SNTG1: variants seen among roughly 807,000 people sequenced by gnomAD.
SNTG1 encodes the protein gamma-1-syntrophin.
Under a neutral mutation model 74.7 loss-of-function variants are expected in SNTG1, and 39 were observed. That is an observed-to-expected ratio of 0.52 (90% confidence interval 0.40 to 0.68). The LOEUF is 0.68. SNTG1 is among the 30% of genes least tolerant of loss of function. The pLI is 0.00. For missense variants in SNTG1, 685 were observed against 609.5 expected, an observed-to-expected ratio of 1.12 and a Z score of -1.30; for synonymous variants, 254 against 217.1, an observed-to-expected ratio of 1.17 and a Z score of -1.49.
intron 4 of SNTG1, among the ~76,000 whole-genome samples, chr8:50,435,824 C>T (rs996935269): frequency 2.6e-5 from 4 of 152,126 alleles, no homozygotes; most frequent in Non-Finnish European, 5.9e-5. Context: ...TCTGCTGACT[C>T]TTTAGTCTCT....
At chr8:49,963,007 G>A (rs1238327883) in intron 1 of SNTG1, among the ~76,000 whole-genome samples, 1 of 152,216 alleles carries the variant, frequency 6.6e-6, no homozygotes, top group East Asian at 1.9e-4. Context: ...TGCTTCTCAA[G>A]CCAGAGGCGG....
intron 1 of SNTG1, among the ~76,000 whole-genome samples, chr8:50,172,010 G>A (rs1381779835): frequency 1.3e-5 from 2 of 152,054 alleles, no homozygotes; most frequent in Non-Finnish European, 2.9e-5. Flanking sequence ...AAATGACAAA[G>A]GCAGAAGCAC....
chr8:50,284,254 A>G (rs2088635972), intron 2 of SNTG1, among the ~76,000 whole-genome samples: 1 of 152,084 alleles, frequency 6.6e-6, no homozygotes, highest in African/African-American at 2.4e-5. Flanking sequence ...TGAATAGAAA[A>G]ACATAAGATG....
intron 2 of SNTG1, among the ~76,000 whole-genome samples, chr8:50,275,013 A>T (rs896285579): frequency 6.6e-6 from 1 of 152,134 alleles, no homozygotes; most frequent in Admixed American, 6.6e-5. Flanking sequence ...TTTATAAATT[A>T]TGCTGCAGTT....
intron 1 of SNTG1, among the ~76,000 whole-genome samples, chr8:50,058,734 T>TTGTGTGTG (rs71235777): frequency 2.1e-5 from 3 of 145,656 alleles, no homozygotes; most frequent in African/African-American, 5.0e-5. Context: ...TTACTTACAT[T>TTGTGTGTG]TGTGTGTGTG....
intron 1 of SNTG1, among the ~76,000 whole-genome samples, chr8:50,085,871 A>T (rs1019549136): frequency 3.3e-5 from 5 of 152,196 alleles, no homozygotes; most frequent in African/African-American, 1.2e-4. Context: ...CTTGTGTTGG[A>T]CCACTGAAAT....
chr8:50,174,599 G>A (rs1156562332), intron 2 of SNTG1, among the ~76,000 whole-genome samples: 1 of 152,134 alleles, frequency 6.6e-6, no homozygotes, highest in African/African-American at 2.4e-5. Context: ...TATACCCAAT[G>A]TTTTCAAGTT....
chr8:50,617,809 A>AG, intron 13 of SNTG1, among the ~76,000 whole-genome samples: 1 of 152,342 alleles, frequency 6.6e-6, no homozygotes, highest in East Asian at 1.9e-4. Flanking sequence ...GCTTTTCTAT[A>AG]CAATGTCTGT....
intron 2 of SNTG1, among the ~76,000 whole-genome samples, chr8:50,248,715 TAAA>T (rs1034740931): frequency 9.2e-5 from 14 of 152,110 alleles, no homozygotes; most frequent in African/African-American, 3.1e-4. Context: ...AAATATATGT[TAAA>T]AGAACAAATA....
At chr8:49,969,385 A>ATATTTTTTTTTTTTTTTTTTTTTTTT (rs1811434626) in intron 1 of SNTG1, among the ~76,000 whole-genome samples, 1 of 116,628 alleles carries the variant, frequency 8.6e-6, no homozygotes. Context: ...AATTCATTTA[A>ATATTTTTTTTTTTTTTTTTTTTTTTT]TCTTTTTTTT....
At chr8:50,578,621 G>A (rs2094590362) in intron 12 of SNTG1, among the ~76,000 whole-genome samples, 1 of 152,132 alleles carries the variant, frequency 6.6e-6, no homozygotes. Flanking sequence ...ATCGAATAAT[G>A]GGGGTAGTTA....
intron 1 of SNTG1, among the ~76,000 whole-genome samples, chr8:50,112,860 C>T (rs777024480): frequency 6.6e-6 from 1 of 151,988 alleles, no homozygotes; most frequent in Non-Finnish European, 1.5e-5. Context: ...ATCCTTTCCC[C>T]ATTTCTTGTT....
chr8:49,953,801 T>C (rs1468391594), intron 1 of SNTG1, among the ~76,000 whole-genome samples: 1 of 152,084 alleles, frequency 6.6e-6, no homozygotes, highest in Non-Finnish European at 1.5e-5. Context: ...ATAAAACCAG[T>C]TTTGTGCAGA....
At chr8:50,133,256 C>T (rs1250032571) in intron 1 of SNTG1, among the ~76,000 whole-genome samples, 6 of 152,172 alleles carry the variant, frequency 3.9e-5, no homozygotes, top group Non-Finnish European at 8.8e-5. Flanking sequence ...CCTTCCTTTC[C>T]TCCACTGACC....
In SNTG1 at chr8:50,312,467, T is replaced by C. The variant is rs1563881790; in HGVS notation, c.-27-81745T>C. On this transcript the variant is annotated intron_variant, in intron 2 of 18. Transcript: ENST00000642720. ...TTTATGCATAATGAATTCAGAAATA[T>C]GTAAGGTGAGTAACAGAGTAAAATT... is the stretch of plus-strand genomic sequence containing the variant. 1.4e-5 allele frequency among the ~76,000 whole-genome samples: 2 copies of C among 138,190 alleles called. 1 individual carries two copies. The highest frequency in any genetic ancestry group is 5.9e-4 in the South Asian group (2 of 3,402). 90.7% of individuals were successfully genotyped at this position (138,190 alleles called of 152,430 possible).
chr8:50,543,507 G>C (rs769889210), intron 11 of SNTG1, among the ~76,000 whole-genome samples: 4 of 152,058 alleles, frequency 2.6e-5, no homozygotes, highest in Non-Finnish European at 5.9e-5. Flanking sequence ...ATTCTTCCAA[G>C]TAGTTTTATT....
chr8:49,985,768 T>A (rs987729146), intron 1 of SNTG1, among the ~76,000 whole-genome samples: 1 of 152,182 alleles, frequency 6.6e-6, no homozygotes, highest in African/African-American at 2.4e-5. Context: ...TGATAGGTAA[T>A]ACCAAATTCA....
intron 8 of SNTG1, among the ~76,000 whole-genome samples, chr8:50,476,332 C>T (rs1472157633): frequency 3.9e-5 from 6 of 152,096 alleles, no homozygotes; most frequent in Non-Finnish European, 8.8e-5. Context: ...CTGGTGATTT[C>T]AGGAATTACC....
chr8:50,749,251 G>A (rs1038608259), intron 17 of SNTG1, among the ~76,000 whole-genome samples: 1 of 152,006 alleles, frequency 6.6e-6, no homozygotes, highest in Non-Finnish European at 1.5e-5. Flanking sequence ...GCCTAATCCA[G>A]GGGAAGGCTC....
Sources: allele counts gnomAD v4.1 joint callset (sites outside exome capture counted in the v4.1 genomes callset), GRCh38; gene constraint gnomAD v4.1.1; transcripts MANE v1.5; gene names NCBI Gene and HGNC (gene_info 2026-07-23, HGNC 2026-07-21).